The following CYBA variants were observed in gnomAD, a reference collection of about 807,000 sequenced individuals.
The protein encoded by CYBA is cytochrome b-245 alpha chain.
CYBA carries 21 observed loss-of-function variants against 20.8 expected under a neutral mutation model. The ratio of observed to expected loss-of-function variants is 1.01; its 90% CI spans 0.72 to 1.46. The LOEUF is 1.46. Among genes scored for constraint, CYBA ranks in the 40% most tolerant of loss-of-function variants. CYBA has a pLI of 0.00. For missense variants in CYBA, 344 were observed against 287.0 expected (o/e 1.20, Z -1.43); for synonymous variants, 164 against 127.5 (o/e 1.29, Z -1.93).
intron 2 of CYBA, among the ~76,000 whole-genome samples, chr16:88,647,437 G>T (rs1567609449): frequency 1.3e-5 from 2 of 152,218 alleles, no homozygotes; most frequent in South Asian, 2.1e-4. Context: ...TACTCCAGAG[G>T]CTGAGGTAAG....
In CYBA at chr16:88,643,572, C is replaced by T. The variant is rs1335898690; in HGVS notation, c.370-1G>A. On this transcript the variant is annotated splice_acceptor_variant, in intron 5 of 5. Coordinates refer to ENST00000261623, the MANE Select transcript of CYBA (RefSeq NM_000101.4). LOFTEE classifies it high-confidence loss of function. This position sits in a 1 kb window ranked among gnomAD's most constrained non-coding sequence, Gnocchi z 4.3. Reference sequence around the variant, plus strand: ...TCCACTGCTCGCCACGCACAGCCGCCTGCGGGGCACTGAAGGGTTGAGCCG... The same window carrying T: ...TCCACTGCTCGCCACGCACAGCCGCTTGCGGGGCACTGAAGGGTTGAGCCG... The T allele has an allele frequency of 6.5e-7, 1 of 1,532,526 alleles. No individual in the cohort carries two copies. Among genetic ancestry groups the T allele is most frequent in the Admixed American group, 2.0e-5 (1 of 50,912 alleles). 94.9% of individuals were successfully genotyped at this position (1,532,526 alleles called of 1,614,324 possible).
At chr16:88,647,861 G>GCCA in intron 2 of CYBA, 184 bp downstream of exon 2, 1 of 650,630 alleles carries the variant, frequency 1.5e-6, no homozygotes, top group Non-Finnish European at 2.8e-6. Context: ...GCCGCTGATC[G>GCCA]CCACATGGTC....
intron 4 of CYBA, 82 bp from the exon 5 acceptor site, chr16:88,646,279 C>T (rs1011661144): frequency 7.0e-6 from 9 of 1,289,224 alleles, no homozygotes; most frequent in Non-Finnish European, 9.7e-6. Flanking sequence ...GGGCCAAGGC[C>T]ACAAAGTCTC....
At chr16:88,647,713 G>C (rs560627873) in intron 2 of CYBA, 2 of 452,360 alleles carry the variant, frequency 4.4e-6, no homozygotes, top group East Asian at 4.4e-5. Flanking sequence ...AGGAGGTAGA[G>C]GGGCCGGTCA....
At position 88,643,710 on chromosome 16, in the gene CYBA, A is replaced by T; in HGVS notation, c.370-139T>A. ...ACGCAGGATGGTGTGACTGCCACTC[A>T]GAGAGGTTAAGTGACGCGCCCGAGG... On this transcript the variant is annotated intron_variant, in intron 5 of 5. Coordinates refer to ENST00000261623, the MANE Select transcript of CYBA (RefSeq NM_000101.4). The surrounding 1 kb of genome is among the most constrained non-coding windows in gnomAD (Gnocchi z 4.3). 1 of 826,160 alleles carries T rather than the reference A, an allele frequency of 1.2e-6. No homozygotes were observed. The highest frequency in any genetic ancestry group is 1.9e-6 in the Non-Finnish European group (1 of 522,526). The allele number at this position is 826,160 out of a possible 1,614,324, so 51.2% of individuals were successfully genotyped here.
rs2142876015 is a variant in CYBA at position 88,647,106 on chromosome 16, C to T, written c.198G>A (p.Glu66=). 1.2e-6 allele frequency: 2 copies of T among 1,611,010 alleles called. No individual in the cohort carries two copies. Among genetic ancestry groups the T allele is most frequent in the Non-Finnish European group, 8.5e-7 (1 of 1,179,614 alleles). Residue 66 remains glutamate, a synonymous_variant, in exon 3 of 6, where the codon GAG becomes GAA. Transcript: ENST00000261623. Reference sequence around the variant, plus strand: ...CAGAGCAGGAGGAGACTCACCAGCGCTCCATGGTGGAGCCCTTCTTCCTCT... The same window carrying T: ...CAGAGCAGGAGGAGACTCACCAGCGTTCCATGGTGGAGCCCTTCTTCCTCT... ...RGKRKKGSTM[E]RWGQKYMTAV...
In CYBA at chr16:88,645,860, C is replaced by A; in HGVS notation, c.369+256G>T. The A allele has an allele frequency of 1.0e-5, 6 of 579,260 alleles. 1 individual carries two copies. The South Asian group carries it at 1.2e-4, about 12-fold the overall frequency. The allele number at this position is 579,260 out of a possible 1,614,324, so 35.9% of individuals were successfully genotyped here. A position where few individuals can be genotyped will look rare whatever the true frequency, so the allele number is the denominator to read the frequency against. ...ATCTTTGTCTGTAAAGTGGGGACCC[C>A]AGTACCCCTCCCAGGGCTGTGGTGC... On this transcript the variant is annotated intron_variant, in intron 5 of 5. Coordinates refer to ENST00000261623, the MANE Select transcript of CYBA (RefSeq NM_000101.4).
chr16:88,650,220 C>A (rs1391916893), intron 1 of CYBA: 1 of 374,998 alleles, frequency 2.7e-6, no homozygotes, highest in Non-Finnish European at 5.5e-6. Flanking sequence ...AGTGGTGCCT[C>A]TGCCCTCAGA....
At position 88,643,697 on chromosome 16, in the gene CYBA, G is replaced by T. The variant is rs1298727883; in HGVS notation, c.370-126C>A. 1.9e-5 allele frequency: 17 copies of T among 915,536 alleles called. No individual in the cohort carries two copies. The highest frequency in any genetic ancestry group is 2.8e-5 in the Non-Finnish European group (17 of 598,096). 56.7% of individuals were successfully genotyped at this position (915,536 alleles called of 1,614,324 possible). On this transcript the variant is annotated intron_variant, in intron 5 of 5. Coordinates refer to ENST00000261623, the MANE Select transcript of CYBA (RefSeq NM_000101.4). The surrounding 1 kb of genome is among the most constrained non-coding windows in gnomAD (Gnocchi z 4.3). ...AAGTCTGAATCCCACGCAGGATGGT[G>T]TGACTGCCACTCAGAGAGGTTAAGT...
chr16:88,650,663 T>C, intron 1 of CYBA: 1 of 596,194 alleles, frequency 1.7e-6, no homozygotes, highest in Non-Finnish European at 3.1e-6. Context: ...CCTCTTCCCC[T>C]GCGCTGCAAC....
chr16:88,643,406 G>T lies in CYBA; in HGVS notation c.535C>A (p.Pro179Thr), dbSNP rs1907151935. 4 of 1,534,026 alleles carry T rather than the reference G, an allele frequency of 2.6e-6. No homozygotes were observed. Among genetic ancestry groups the T allele is most frequent in the East Asian group, 2.5e-5 (1 of 39,986 alleles). ...GGGTTGACCTGGGGACCTCCCGGGG[G>T]TCCCCCCGCCGCCACCGCAGCCTCC... ...EEEAAVAAGG[P>T]PGGPQVNPIP... The change falls in exon 6 of 6, where the codon CCC (proline) becomes ACC (threonine). Residue 179 changes from proline (P) to threonine (T), a missense_variant. Coordinates refer to ENST00000261623, the MANE Select transcript of CYBA (RefSeq NM_000101.4). This position sits in a 1 kb window ranked among gnomAD's most constrained non-coding sequence, Gnocchi z 4.3.
In CYBA at chr16:88,648,118, C is replaced by A. The variant is rs199989792; in HGVS notation, c.59-4G>T. On this transcript the variant is annotated splice_polypyrimidine_tract_variant and splice_region_variant and intron_variant, in intron 1 of 5. Coordinates refer to ENST00000261623, the MANE Select transcript of CYBA (RefSeq NM_000101.4). ...ACGATGCCCCCGGTGATGAGGACTG[C>A]GGGGAGAAGTGGGTCAGGCACTGTG... The A allele has an allele frequency of 1.9e-6, 3 of 1,609,758 alleles. No individual in the cohort carries two copies. The highest frequency in any genetic ancestry group is 1.7e-5 in the Admixed American group (1 of 59,494).
chr16:88,645,407 C>T, intron 5 of CYBA: 1 of 702,414 alleles, frequency 1.4e-6, no homozygotes, highest in Non-Finnish European at 2.6e-6. Flanking sequence ...GCAGTTGCCT[C>T]TGCGGGCAGG....
intron 2 of CYBA, chr16:88,647,683 G>A: frequency 2.5e-6 from 1 of 404,662 alleles, no homozygotes; most frequent in Admixed American, 3.7e-5. Flanking sequence ...CGGCTGGGCG[G>A]CAGGGCTGAG....
In CYBA at chr16:88,643,401, C is replaced by T. The variant is rs1313834143; in HGVS notation, c.540G>A (p.Pro180=). The change falls in exon 6 of 6, where the codon CCG becomes CCA. Residue 180 remains proline (P), a synonymous_variant. Transcript: ENST00000261623. This position sits in a 1 kb window ranked among gnomAD's most constrained non-coding sequence, Gnocchi z 4.3. ...GGATGGGGTTGACCTGGGGACCTCC[C>T]GGGGGTCCCCCCGCCGCCACCGCAG... ...EEAAVAAGGP[P]GGPQVNPIPV... The T allele has an allele frequency of 1.5e-5, 23 of 1,530,254 alleles. No individual in the cohort carries two copies. The highest frequency in any genetic ancestry group is 1.0e-4 in the Admixed American group (5 of 50,170). 94.8% of individuals were successfully genotyped at this position (1,530,254 alleles called of 1,614,324 possible).
At chr16:88,649,086 T>A (rs72558359) in intron 1 of CYBA, among the ~76,000 whole-genome samples, 1 of 151,714 alleles carries the variant, frequency 6.6e-6, no homozygotes, top group South Asian at 2.1e-4. Flanking sequence ...TATGCGCGCC[T>A]GCCACCATAC....
At chr16:88,647,381 A>G (rs1907329927) in intron 2 of CYBA, among the ~76,000 whole-genome samples, 1 of 152,172 alleles carries the variant, frequency 6.6e-6, no homozygotes, top group Non-Finnish European at 1.5e-5. Flanking sequence ...CATCTCTACA[A>G]AAAATTTAAA....
In CYBA at chr16:88,651,051, A is replaced by C. The variant is rs779715766; in HGVS notation, c.-38T>G. The C allele has an allele frequency of 1.9e-5, 29 of 1,561,194 alleles. No homozygotes were observed. The highest frequency in any genetic ancestry group is 2.4e-5 in the Non-Finnish European group (28 of 1,157,226). On this transcript the variant is annotated 5_prime_UTR_variant, in exon 1 of 6. Transcript: ENST00000261623. ...CCGGCTGGGACACTGCTAGGCGCGC[A>C]CTGCCGCCCCTGCGCTCCCGGCCGA... is the stretch of plus-strand genomic sequence containing the variant.
chr16:88,647,197 AC>A (rs1907322439), intron 2 of CYBA, 22 bp from the exon 3 acceptor site: 1 of 1,609,842 alleles, frequency 6.2e-7, no homozygotes, highest in South Asian at 1.1e-5. Context: ...TGGTTAAGGA[AC>A]AGCCCAGCTC....
Sources: allele counts gnomAD v4.1 joint callset (sites outside exome capture counted in the v4.1 genomes callset), GRCh38; gene constraint gnomAD v4.1.1; non-coding constraint Gnocchi (gnomAD v3.1); transcripts MANE v1.5; gene names NCBI Gene and HGNC (gene_info 2026-07-23, HGNC 2026-07-21).